The following ERAP1 variants were observed in gnomAD, a reference collection of about 807,000 sequenced individuals.
ERAP1 encodes the protein adipocyte-derived leucine aminopeptidase.
In ERAP1, 86 loss-of-function variants were observed where a neutral mutation model predicts 103.7. The ratio of observed to expected loss-of-function variants is 0.83; its 90% CI spans 0.70 to 0.99. The LOEUF is 0.99. Ranked by LOEUF, ERAP1 falls within the 50% of genes least tolerant of loss-of-function variation. The pLI is 0.00. For missense variants in ERAP1, 1,009 were observed against 1,128.4 expected (o/e 0.89, Z 1.52); for synonymous variants, 398 against 402.4 (o/e 0.99, Z 0.13).
chr5:96,768,456 G>A (rs1037518541), intron 19 of ERAP1: 2 of 449,748 alleles, frequency 4.4e-6, no homozygotes, highest in Non-Finnish European at 8.9e-6. Context: ...AAGAAAAAAT[G>A]CCTATAATTC....
upstream of ERAP1, among the ~76,000 whole-genome samples, chr5:96,811,922 A>G (rs943383054): frequency 1.2e-4 from 18 of 152,064 alleles, no homozygotes. Context: ...CCTGTCTCCA[A>G]CCTTCCTCAG....
chr5:96,912,123 G>A, the ERAP1 span, among the ~76,000 whole-genome samples: 77,521 of 144,746 alleles, frequency 0.54, 20,900 homozygotes, highest in Admixed American at 0.58. Flanking sequence ...CCCGGGGGGC[G>A]GAGCCTGCAG....
At chr5:96,765,331 A>T (rs1163928100) in intron 19 of ERAP1, 2 of 217,402 alleles carry the variant, frequency 9.2e-6, no homozygotes, top group East Asian at 1.4e-4. Context: ...TAAAGGTAAA[A>T]AAAAAAAAAA....
exon 20 of ERAP1, chr5:96,760,991 A>T (rs914198221): frequency 4.6e-5 from 7 of 152,140 alleles, no homozygotes; most frequent in African/African-American, 1.7e-4. Flanking sequence ...TACAGTAATA[A>T]TAAGTGGAAA....
chr5:96,766,670 T>C (rs926951876), intron 19 of ERAP1, among the ~76,000 whole-genome samples: 12 of 152,234 alleles, frequency 7.9e-5, no homozygotes, highest in African/African-American at 2.9e-4. Context: ...CCTGGCCTTT[T>C]GTCTCCCACA....
At chr5:96,843,735 A>T in the ERAP1 span, among the ~76,000 whole-genome samples, 1 of 152,144 alleles carries the variant, frequency 6.6e-6, no homozygotes, top group Non-Finnish European at 1.5e-5. Context: ...CAGGTAAGGG[A>T]GAACTGAGGA....
chr5:96,932,574 A>G, the ERAP1 span, among the ~76,000 whole-genome samples: 5 of 152,220 alleles, frequency 3.3e-5, no homozygotes, highest in Admixed American at 3.3e-4. Context: ...TTTAGAACAC[A>G]GATGGCCTGA....
intron 5 of ERAP1, 26 bp downstream of exon 5, chr5:96,795,016 G>T (rs1777186985): frequency 6.2e-7 from 1 of 1,613,084 alleles, no homozygotes; most frequent in Non-Finnish European, 8.5e-7. Context: ...CAAATGTCAT[G>T]TGTAATATCT....
the ERAP1 span, among the ~76,000 whole-genome samples, chr5:96,866,282 T>C: frequency 6.6e-6 from 1 of 152,200 alleles, no homozygotes; most frequent in Non-Finnish European, 1.5e-5. Flanking sequence ...GCAATTAATG[T>C]GTGTACAAGC....
chr5:96,856,365 T>TAGAGAG, the ERAP1 span, among the ~76,000 whole-genome samples: 26 of 20,350 alleles, frequency 1.3e-3, 1 homozygote, highest in African/African-American at 2.3e-3. Context: ...TATATATATA[T>TAGAGAG]AGAGAGAGAG....
At chr5:96,844,364 ACT>A in the ERAP1 span, among the ~76,000 whole-genome samples, 1 of 152,002 alleles carries the variant, frequency 6.6e-6, no homozygotes, top group Non-Finnish European at 1.5e-5. Flanking sequence ...GAGTAGTGTA[ACT>A]CTCTCTTAAA....
the ERAP1 span, chr5:96,892,462 C>T: frequency 1.9e-5 from 31 of 1,613,442 alleles, no homozygotes; most frequent in Middle Eastern, 1.2e-3. Context: ...AGGTACTTGG[C>T]ACTCATGACA....
At chr5:96,770,913 A>T (rs764937796), downstream of ERAP1, among the ~76,000 whole-genome samples, 37 of 152,146 alleles carry the variant, frequency 2.4e-4, no homozygotes, top group Non-Finnish European at 4.1e-4. Flanking sequence ...AGAACATGGA[A>T]GTTGGAAACT....
downstream of ERAP1, chr5:96,771,833 AC>A (rs1168239742): frequency 1.1e-5 from 6 of 548,132 alleles, no homozygotes; most frequent in Non-Finnish European, 2.0e-5. Flanking sequence ...TGAAATGCAT[AC>A]TGCAAGATCT....
the ERAP1 span, among the ~76,000 whole-genome samples, chr5:96,916,456 C>CTTTTTTTTTT: frequency 1.0e-5 from 1 of 97,640 alleles, no homozygotes; most frequent in African/African-American, 4.3e-5. Context: ...TTCTAGTTAT[C>CTTTTTTTTTT]TTTTTTTTTT....
At chr5:96,843,479 C>T in the ERAP1 span, among the ~76,000 whole-genome samples, 1 of 152,156 alleles carries the variant, frequency 6.6e-6, no homozygotes, top group Non-Finnish European at 1.5e-5. Context: ...AGGAGGGGAC[C>T]AGAGGTACTT....
intron 19 of ERAP1, chr5:96,769,445 C>A (rs1158772520): frequency 1.3e-5 from 2 of 149,242 alleles, no homozygotes; most frequent in African/African-American, 4.9e-5. Flanking sequence ...CTGATCGAGA[C>A]AAGCTCTATT....
the ERAP1 span, chr5:96,934,034 C>T: frequency 5.3e-5 from 8 of 152,338 alleles, 1 homozygote; most frequent in African/African-American, 1.4e-4. Flanking sequence ...GAGTCATTAA[C>T]TGGAAGGGTT....
At chr5:96,875,272 T>C in the ERAP1 span, among the ~76,000 whole-genome samples, 1 of 152,124 alleles carries the variant, frequency 6.6e-6, no homozygotes, top group Non-Finnish European at 1.5e-5. Flanking sequence ...CGGTGTCTCA[T>C]GCCTGTAATC....
Sources: gnomAD v4.1 joint callset for allele counts (sites outside exome capture counted in the v4.1 genomes callset) on GRCh38, gnomAD v4.1.1 for gene constraint, MANE v1.5 for transcripts, NCBI Gene and HGNC (gene_info 2026-07-23, HGNC 2026-07-21) for gene names.